Variants in RASAL2 observed in about 807,000 individuals in gnomAD.
RASAL2 encodes the protein RAS protein activator like 2.
A neutral mutation model predicts 128.9 loss-of-function variants in RASAL2; 58 were observed. The ratio of observed to expected loss-of-function variants is 0.45; its 90% CI spans 0.36 to 0.56. The LOEUF is 0.56. Among genes scored for constraint, RASAL2 ranks in the 20% least tolerant of loss-of-function variants. The pLI is 0.00. For missense variants in RASAL2, 1,360 were observed against 1,601.6 expected (o/e 0.85, Z 2.57); for synonymous variants, 561 against 580.8 (o/e 0.97, Z 0.49).
In RASAL2 at chr1:178,439,443, A is replaced by G. The variant is rs1217036887; in HGVS notation, c.696A>G (p.Leu232=). 1.2e-6 allele frequency: 2 copies of G among 1,610,030 alleles called. No homozygotes were observed. The highest frequency in any genetic ancestry group is 1.7e-6 in the Non-Finnish European group (2 of 1,178,270). The part of the protein sequence containing the change: ...TDDRSRGLPK[L]KESRSHESLL... ...TTAGGTCTCGTGGGCTGCCTAAACTAAAAGAGTCACGTTCCCATGAATCCT... is the reference window on the plus strand; with the variant it reads ...TTAGGTCTCGTGGGCTGCCTAAACTGAAAGAGTCACGTTCCCATGAATCCT... Residue 232 remains leucine, a synonymous_variant, in exon 6 of 18, where the codon CTA becomes CTG. Transcript: ENST00000367649.
chr1:178,193,642 A>G (rs1662562896), intron 1 of RASAL2, among the ~76,000 whole-genome samples: 1 of 151,934 alleles, frequency 6.6e-6, no homozygotes, highest in Non-Finnish European at 1.5e-5. Flanking sequence ...GGTAGTTGAT[A>G]TATTATTTCC....
At chr1:178,390,000 CA>C (rs1280592069) in intron 3 of RASAL2, 99 bp from the exon 4 acceptor site, 2 of 722,912 alleles carry the variant, frequency 2.8e-6, no homozygotes, top group Non-Finnish European at 4.7e-6. Flanking sequence ...ACCTTTAAAG[CA>C]TGCTGGTTTA....
chr1:178,447,206 C>T (rs950757367), intron 9 of RASAL2, among the ~76,000 whole-genome samples: 13 of 151,930 alleles, frequency 8.6e-5, no homozygotes, highest in African/African-American at 3.1e-4. Flanking sequence ...TCTATAGTTC[C>T]AGCTACTCAG....
intron 1 of RASAL2, among the ~76,000 whole-genome samples, chr1:178,147,084 T>A (rs1660754973): frequency 6.6e-6 from 1 of 152,104 alleles, no homozygotes; most frequent in Admixed American, 6.5e-5. Context: ...TTAAAATTGG[T>A]TTTGTCAGTG....
At chr1:178,154,722 G>C (rs1395073934) in intron 1 of RASAL2, among the ~76,000 whole-genome samples, 1 of 152,172 alleles carries the variant, frequency 6.6e-6, no homozygotes, top group African/African-American at 2.4e-5. Flanking sequence ...CATTGCAAGA[G>C]CACATCTTAA....
intron 2 of RASAL2, among the ~76,000 whole-genome samples, chr1:178,291,818 C>T (rs1428036516): frequency 2.0e-5 from 3 of 152,026 alleles, no homozygotes; most frequent in South Asian, 2.1e-4. Context: ...AGGTGGATCA[C>T]GAGGTCAGGA....
At chr1:178,310,704 A>T (rs971716413) in intron 3 of RASAL2, among the ~76,000 whole-genome samples, 7 of 152,082 alleles carry the variant, frequency 4.6e-5, no homozygotes, top group African/African-American at 1.7e-4. Context: ...AGCACAGTGG[A>T]GATTTGTTTA....
chr1:178,132,718 G>GT (rs1226999839), intron 1 of RASAL2, among the ~76,000 whole-genome samples: 1 of 151,012 alleles, frequency 6.6e-6, no homozygotes, highest in Non-Finnish European at 1.5e-5. Context: ...TACCATAACT[G>GT]ATTTGTATGT....
intron 3 of RASAL2, among the ~76,000 whole-genome samples, chr1:178,388,857 G>C (rs1672733649): frequency 6.6e-6 from 1 of 152,212 alleles, no homozygotes. Context: ...GAAGGCAGTG[G>C]TTGGGCATCT....
chr1:178,231,740 A>G (rs1442384211), intron 1 of RASAL2, among the ~76,000 whole-genome samples: 2 of 152,186 alleles, frequency 1.3e-5, no homozygotes, highest in African/African-American at 4.8e-5. Flanking sequence ...AATAGAGATT[A>G]GAACTTGATA....
chr1:178,190,147 G>T (rs1662442731), intron 1 of RASAL2, among the ~76,000 whole-genome samples: 1 of 152,156 alleles, frequency 6.6e-6, no homozygotes, highest in Non-Finnish European at 1.5e-5. Flanking sequence ...AGAAACACAG[G>T]TATATACTGT....
At chr1:178,442,590 C>T in intron 7 of RASAL2, 85 bp from the exon 8 acceptor site, 1 of 1,158,044 alleles carries the variant, frequency 8.6e-7, no homozygotes, top group Non-Finnish European at 1.2e-6. Flanking sequence ...AATAGAGTAC[C>T]TAATGAACAT....
At chr1:178,435,623 A>G (rs1676204760) in intron 5 of RASAL2, among the ~76,000 whole-genome samples, 1 of 152,108 alleles carries the variant, frequency 6.6e-6, no homozygotes, top group African/African-American at 2.4e-5. Flanking sequence ...TACCTATCAC[A>G]TTGCTAGAGG....
At chr1:178,183,428 A>T (rs1252383193) in intron 1 of RASAL2, among the ~76,000 whole-genome samples, 1 of 152,164 alleles carries the variant, frequency 6.6e-6, no homozygotes, top group African/African-American at 2.4e-5. Flanking sequence ...TTACTGTATC[A>T]TAGGGAATAG....
At chr1:178,127,073 G>C (rs16852460) in intron 1 of RASAL2, among the ~76,000 whole-genome samples, 4,309 of 152,180 alleles carry the variant, frequency 0.028, 80 homozygotes, top group East Asian at 0.088. Flanking sequence ...CAGTCATCTT[G>C]TGACCCACAA....
intron 2 of RASAL2, among the ~76,000 whole-genome samples, chr1:178,294,631 C>A (rs1287076638): frequency 1.3e-5 from 2 of 152,218 alleles, no homozygotes; most frequent in African/African-American, 4.8e-5. Flanking sequence ...ATCTATCGAT[C>A]AATCGAAAGA....
chr1:178,173,043 A>T (rs1661756737), intron 1 of RASAL2, among the ~76,000 whole-genome samples: 1 of 152,100 alleles, frequency 6.6e-6, no homozygotes, highest in Admixed American at 6.6e-5. Context: ...ACCTATGTGC[A>T]TGTGTGGTTG....
intron 1 of RASAL2, among the ~76,000 whole-genome samples, chr1:178,135,302 C>T (rs1660277796): frequency 6.6e-6 from 1 of 152,046 alleles, no homozygotes; most frequent in Non-Finnish European, 1.5e-5. Flanking sequence ...GGTGTCTTGA[C>T]CTTGATGGAG....
chr1:178,197,934 G>A (rs1198039637), intron 1 of RASAL2, among the ~76,000 whole-genome samples: 2 of 152,156 alleles, frequency 1.3e-5, no homozygotes, highest in Non-Finnish European at 2.9e-5. Context: ...CCACCTATGA[G>A]TGAGAACATG....
Sources: allele counts gnomAD v4.1 joint callset (sites outside exome capture counted in the v4.1 genomes callset), GRCh38; gene constraint gnomAD v4.1.1; transcripts MANE v1.5; gene names NCBI Gene and HGNC (gene_info 2026-07-23, HGNC 2026-07-21).